RBM27: variants seen among roughly 807,000 people sequenced by gnomAD.
RBM27 encodes the protein RNA-binding protein 27.
In RBM27, 22 loss-of-function variants were observed where a neutral mutation model predicts 135.3. That is an observed-to-expected ratio of 0.16 (90% CI 0.12 to 0.23). The LOEUF is 0.23. RBM27 is among the 10% of genes least tolerant of loss of function. RBM27 has a pLI of 1.00. For missense variants in RBM27, 1,009 were observed against 1,281.0 expected (o/e 0.79, Z 3.24); for synonymous variants, 481 against 442.4 (o/e 1.09, Z -1.10).
chr5:146,265,871 T>C (rs971772659), intron 14 of RBM27, among the ~76,000 whole-genome samples: 1 of 152,190 alleles, frequency 6.6e-6, no homozygotes, highest in African/African-American at 2.4e-5. Flanking sequence ...AGTAAATACC[T>C]GTAGTCCTGC....
chr5:146,234,295 A>G (rs778381500), intron 7 of RBM27, among the ~76,000 whole-genome samples: 6 of 152,172 alleles, frequency 3.9e-5, no homozygotes, highest in Non-Finnish European at 7.3e-5. Flanking sequence ...TTTATTACAG[A>G]CATTTTTAGA....
At chr5:146,227,580 T>C (rs1756733503) in intron 3 of RBM27, among the ~76,000 whole-genome samples, 1 of 152,196 alleles carries the variant, frequency 6.6e-6, no homozygotes, top group African/African-American at 2.4e-5. Flanking sequence ...CAAATAACTT[T>C]ATTTCACCTT....
At position 146,288,037 on chromosome 5, in the gene RBM27, A is replaced by G. The variant is rs1208999561; in HGVS notation, c.*2007A>G. 1.3e-5 allele frequency: 2 copies of G among 151,946 alleles called. No individual in the cohort carries two copies. The highest frequency in any genetic ancestry group is 2.4e-5 in the African/African-American group (1 of 41,426). 9.4% of individuals were successfully genotyped at this position (151,946 alleles called of 1,614,324 possible). ...TGTACAAAGTTTTTTCTTAAACTGT[A>G]TAATTTTGTAAATAATTTGTTTGGG... On this transcript the variant is annotated 3_prime_UTR_variant, in exon 21 of 21. Coordinates refer to ENST00000265271, the MANE Select transcript of RBM27 (RefSeq NM_018989.2).
intron 6 of RBM27, among the ~76,000 whole-genome samples, chr5:146,232,986 A>G (rs550945443): frequency 1.2e-4 from 18 of 152,230 alleles, no homozygotes; most frequent in Non-Finnish European, 2.4e-4. Context: ...CCTGGTACAT[A>G]ATGTTCACGT....
intron 14 of RBM27, 26 bp from the exon 15 acceptor site, chr5:146,267,623 G>GA: frequency 7.4e-7 from 1 of 1,343,940 alleles, no homozygotes; most frequent in Non-Finnish European, 1.0e-6. Flanking sequence ...ATTTGTGTGT[G>GA]CTTTTTTTTT....
chr5:146,258,453 T>G lies in RBM27; in HGVS notation c.1599T>G (p.Ala533=). ...TTCAATTTTTTTTTCCAACAGCTGC[T>G]AACATTGTGATCCAGACTGAACCAC... ...SGDMDVNPRA[A]NIVIQTEPPV... Residue 533 remains alanine (A), a synonymous_variant, in exon 11 of 21, where the codon GCT becomes GCG. Coordinates refer to ENST00000265271, the MANE Select transcript of RBM27 (RefSeq NM_018989.2). The G allele has an allele frequency of 1.3e-6, 2 of 1,552,090 alleles. No homozygotes were observed. The highest frequency in any genetic ancestry group is 1.7e-6 in the Non-Finnish European group (2 of 1,151,670).
Position 146,228,961 on chromosome 5 carries a change from G to C in RBM27, c.319G>C (p.Ala107Pro), listed in dbSNP as rs1200057204. 1 of 1,613,096 alleles carries C rather than the reference G, an allele frequency of 6.2e-7. No individual in the cohort carries two copies. Among genetic ancestry groups the C allele is most frequent in the East Asian group, 2.2e-5 (1 of 44,834 alleles). ...TTTCATATAGGTATTTCAGGAGCCA[G>C]CAGAGGAAGAACGAGATGGCAGAAA... ...EIKEEVFQEP[A>P]EEERDGRKKK... Residue 107 changes from alanine (A) to proline (P), a missense_variant, in exon 4 of 21, where the codon GCA (alanine) becomes CCA (proline). Around this residue, in one of 6 missense-constraint regions of RBM27, gnomAD observed 268 missense variants for 326.6 expected, o/e 0.82. Transcript: ENST00000265271.
At chr5:146,219,949 C>T (rs1756374577) in intron 2 of RBM27, among the ~76,000 whole-genome samples, 1 of 151,722 alleles carries the variant, frequency 6.6e-6, no homozygotes, top group Non-Finnish European at 1.5e-5. Flanking sequence ...CAGGCTGATC[C>T]TTGAACTTCT....
At position 146,269,292 on chromosome 5, in the gene RBM27, A is replaced by G. The variant is rs903822193; in HGVS notation, c.2526+11A>G. The G allele has an allele frequency of 1.3e-6, 2 of 1,588,482 alleles. No homozygotes were observed. The highest frequency in any genetic ancestry group is 1.7e-4 in the Middle Eastern group (1 of 6,000). On this transcript the variant is annotated intron_variant, in intron 16 of 20. Coordinates refer to ENST00000265271, the MANE Select transcript of RBM27 (RefSeq NM_018989.2). Reference sequence around the variant, plus strand: ...ATAGAATGCCAAAAGGTAAGACAAGAGCTCATTATTTGCATGCTAGAATTG... The same window carrying G: ...ATAGAATGCCAAAAGGTAAGACAAGGGCTCATTATTTGCATGCTAGAATTG...
At chr5:146,285,412 G>A (rs981322165) in intron 20 of RBM27, among the ~76,000 whole-genome samples, 9 of 152,042 alleles carry the variant, frequency 5.9e-5, no homozygotes, top group African/African-American at 2.2e-4. Context: ...AAGCAGAAAT[G>A]TTCCCTAGAT....
Position 146,251,779 on chromosome 5 carries a change from C to A in RBM27, c.1348C>A (p.Pro450Thr). ...GCGACTTCAGTTGGGGACACCGCCT[C>A]CTCTGTTGGCAGCTCGTTTGGTGCC... ...SERLQLGTPP[P>T]LLAARLVPPR... Residue 450 changes from proline (P) to threonine (T), a missense_variant, in exon 9 of 21, where the codon CCT becomes ACT. Transcript: ENST00000265271. The A allele has an allele frequency of 6.2e-7, 1 of 1,613,624 alleles. No individual in the cohort carries two copies. The highest frequency in any genetic ancestry group is 8.5e-7 in the Non-Finnish European group (1 of 1,179,548).
At chr5:146,252,970 A>G (rs937643811) in intron 9 of RBM27, among the ~76,000 whole-genome samples, 2 of 152,240 alleles carry the variant, frequency 1.3e-5, no homozygotes, top group East Asian at 3.9e-4. Context: ...CATTGAGGCA[A>G]AATTATTTGT....
chr5:146,257,835 A>G (rs1251189213), intron 10 of RBM27, among the ~76,000 whole-genome samples: 2 of 150,048 alleles, frequency 1.3e-5, no homozygotes, highest in Non-Finnish European at 3.0e-5. Context: ...TTTCTTTATG[A>G]GACCGAATTT....
chr5:146,233,885 T>A, intron 7 of RBM27, 142 bp downstream of exon 7: 1 of 557,606 alleles, frequency 1.8e-6, no homozygotes, highest in Non-Finnish European at 2.8e-6. Flanking sequence ...ATTAAGATGC[T>A]ATTCTTTTCT....
At chr5:146,284,777 C>T in intron 20 of RBM27, 45 bp downstream of exon 20, 1 of 1,160,272 alleles carries the variant, frequency 8.6e-7, no homozygotes, top group Non-Finnish European at 1.3e-6. Flanking sequence ...GATCACTTCT[C>T]AATTATGTAT....
At chr5:146,235,943 A>G (rs1757141445) in intron 7 of RBM27, among the ~76,000 whole-genome samples, 1 of 152,084 alleles carries the variant, frequency 6.6e-6, no homozygotes, top group Non-Finnish European at 1.5e-5. Flanking sequence ...TGCTTGCCTC[A>G]GTTCCCAAAG....
chr5:146,254,579 A>AC (rs892427806), intron 9 of RBM27, among the ~76,000 whole-genome samples: 2 of 152,136 alleles, frequency 1.3e-5, no homozygotes, highest in African/African-American at 2.4e-5. Flanking sequence ...ATAAAAAAAA[A>AC]CCAGTACAAT....
At chr5:146,247,649 C>G (rs1432994993) in intron 8 of RBM27, among the ~76,000 whole-genome samples, 1 of 152,076 alleles carries the variant, frequency 6.6e-6, no homozygotes, top group African/African-American at 2.4e-5. Context: ...TTCCTCTATC[C>G]CCTGTATTAC....
chr5:146,269,147 ATGAGT>A (rs1475342566), intron 15 of RBM27, 55 bp from the exon 16 acceptor site: 29 of 1,249,834 alleles, frequency 2.3e-5, no homozygotes, highest in Non-Finnish European at 3.0e-5. Context: ...CCCAGAAAAA[ATGAGT>A]TGAGAATGGT....
Sources: allele counts gnomAD v4.1 joint callset (sites outside exome capture counted in the v4.1 genomes callset), GRCh38; gene constraint gnomAD v4.1.1; regional missense constraint gnomAD v4.1.1; transcripts MANE v1.5; gene names NCBI Gene and HGNC (gene_info 2026-07-23, HGNC 2026-07-21).